The following CELA2A variants were observed in gnomAD, a reference collection of about 807,000 sequenced individuals.
The protein encoded by CELA2A is chymotrypsin-like elastase family member 2A.
A neutral mutation model predicts 35.3 loss-of-function variants in CELA2A; 31 were observed. That is an observed-to-expected ratio of 0.88 (90% CI 0.66 to 1.19). The LOEUF is 1.19. Ranked by LOEUF, CELA2A falls within the 50% of genes most tolerant of loss-of-function variation. CELA2A has a pLI of 0.00. For missense variants in CELA2A, 330 were observed against 352.9 expected, an observed-to-expected ratio of 0.94 and a Z score of 0.52; for synonymous variants, 150 against 149.8, an observed-to-expected ratio of 1.00 and a Z score of -0.01.
intron 7 of CELA2A, among the ~76,000 whole-genome samples, chr1:15,470,309 C>G (rs1439824378): frequency 6.6e-6 from 1 of 152,028 alleles, no homozygotes; most frequent in East Asian, 1.9e-4. Context: ...TGGATAAACC[C>G]AGACAGGTGA....
Position 15,461,592 on chromosome 1 carries a change from G to A in CELA2A, c.161G>A (p.Trp54Ter), listed in dbSNP as rs775776330. The change falls in exon 3 of 8, where the codon TGG becomes TAG. Residue 54 changes from tryptophan to a stop codon, truncating the protein, a stop_gained. Transcript: ENST00000359621. LOFTEE classifies it high-confidence loss of function. ...CTGCAGTACAGCTCCAATGGCAAGTGGTACCACACCTGCGGAGGGTCCCTG... is the reference window on the plus strand; with the variant it reads ...CTGCAGTACAGCTCCAATGGCAAGTAGTACCACACCTGCGGAGGGTCCCTG... The part of the protein sequence containing the change: ...VSLQYSSNGK[W>*]YHTCGGSLIA... 1.3e-5 allele frequency: 21 copies of A among 1,612,346 alleles called. No homozygotes were observed. Among genetic ancestry groups the A allele is most frequent in the African/African-American group, 4.0e-5 (3 of 74,868 alleles).
Position 15,466,992 on chromosome 1 carries a change from G to A in CELA2A, c.640-394G>A, listed in dbSNP as rs192003975. On this transcript the variant is annotated intron_variant, in intron 6 of 7. Coordinates refer to ENST00000359621, the MANE Select transcript of CELA2A (RefSeq NM_033440.3). ...CCACATAGACCACCCGCGGGAAGAC[G>A]GAACCAGTGGGGAAGAGCCTGGCAG... is the stretch of plus-strand genomic sequence containing the variant. Among the ~76,000 whole-genome samples the A allele has an allele frequency of 4.0e-3, 611 of 152,278 alleles. 7 individuals carry two copies. The highest frequency in any genetic ancestry group is 0.013 in the African/African-American group (520 of 41,560).
intron 6 of CELA2A, among the ~76,000 whole-genome samples, chr1:15,466,837 G>A (rs538588008): frequency 2.6e-5 from 4 of 152,290 alleles, no homozygotes; most frequent in Admixed American, 1.3e-4. Flanking sequence ...TAGCTGCCAC[G>A]GAAACCTTCC....
At chr1:15,471,148 A>G (rs1368549255) in intron 7 of CELA2A, among the ~76,000 whole-genome samples, 3 of 152,204 alleles carry the variant, frequency 2.0e-5, no homozygotes, top group Non-Finnish European at 4.4e-5. Flanking sequence ...ACATTGTGCA[A>G]TGAACATCCT....
At chr1:15,471,665 ATT>A (rs1209821795) in intron 7 of CELA2A, among the ~76,000 whole-genome samples, 6 of 152,182 alleles carry the variant, frequency 3.9e-5, no homozygotes, top group African/African-American at 1.2e-4. Flanking sequence ...AGCAGTTTTG[ATT>A]TAAGAAACAA....
chr1:15,462,781 T>C lies in CELA2A; in HGVS notation c.276T>C (p.Val92=). The change falls in exon 4 of 8, where the codon GTT becomes GTC. Residue 92 remains valine (V), a synonymous_variant. Transcript: ENST00000359621. ...RVGLGRHNLY[V]AESGSLAVSV... The stretch of plus-strand genomic sequence containing the variant: ...GGCTGGGCCGGCACAACCTCTACGT[T>C]GCGGAGTCCGGCTCGCTGGCAGTCA... 6.2e-7 allele frequency: 1 copy of C among 1,614,094 alleles called. No individual in the cohort carries two copies. Among genetic ancestry groups the C allele is most frequent in the Non-Finnish European group, 8.5e-7 (1 of 1,180,006 alleles).
In CELA2A at chr1:15,462,722, C is replaced by A; in HGVS notation, c.228-11C>A. The A allele has an allele frequency of 6.2e-7, 1 of 1,613,888 alleles. No homozygotes were observed. Among genetic ancestry groups the A allele is most frequent in the Non-Finnish European group, 8.5e-7 (1 of 1,179,924 alleles). On this transcript the variant is annotated splice_polypyrimidine_tract_variant and intron_variant, in intron 3 of 7. Coordinates refer to ENST00000359621, the MANE Select transcript of CELA2A (RefSeq NM_033440.3). ...GGAGGTGACCCTCTCCCTGGGCCCC[C>A]TTTCTCCCAGCTCCTCCAGGACCTA...
chr1:15,460,564 CAG>C (rs1319563383), intron 2 of CELA2A, among the ~76,000 whole-genome samples: 1 of 151,764 alleles, frequency 6.6e-6, no homozygotes, highest in Admixed American at 6.6e-5. Context: ...AATTGAAAGA[CAG>C]GGGAGGAGGA....
intron 2 of CELA2A, among the ~76,000 whole-genome samples, chr1:15,458,598 A>C (rs1384296668): frequency 6.6e-6 from 1 of 152,110 alleles, no homozygotes; most frequent in African/African-American, 2.4e-5. Context: ...GCGTTCATTC[A>C]TCTGCTCCTT....
chr1:15,464,945 G>A (rs1299083146), intron 5 of CELA2A, among the ~76,000 whole-genome samples: 1 of 147,776 alleles, frequency 6.8e-6, no homozygotes, highest in Non-Finnish European at 1.5e-5. Context: ...ATTGCAAAAT[G>A]TTATGCAAGT....
intron 5 of CELA2A, 93 bp downstream of exon 5, chr1:15,463,615 G>A: frequency 3.2e-6 from 5 of 1,586,134 alleles, no homozygotes; most frequent in Non-Finnish European, 4.3e-6. Flanking sequence ...TGTCATCCCA[G>A]GGTGTGTGGC....
At chr1:15,469,948 T>A (rs1248177381) in intron 7 of CELA2A, among the ~76,000 whole-genome samples, 1 of 151,854 alleles carries the variant, frequency 6.6e-6, no homozygotes, top group Non-Finnish European at 1.5e-5. Context: ...TTGTCCCAAT[T>A]TTTTTTTCCC....
At chr1:15,463,281 G>C in intron 4 of CELA2A, 105 bp from the exon 5 acceptor site, 4 of 1,550,308 alleles carry the variant, frequency 2.6e-6, no homozygotes, top group Non-Finnish European at 2.6e-6. Flanking sequence ...GAGCAACCTG[G>C]GGTAACAGGG....
At chr1:15,465,512 A>G (rs1373345609) in intron 5 of CELA2A, among the ~76,000 whole-genome samples, 2 of 152,116 alleles carry the variant, frequency 1.3e-5, no homozygotes, top group African/African-American at 2.4e-5. Flanking sequence ...CTTATTTCAG[A>G]TAAGTGACAG....
intron 2 of CELA2A, among the ~76,000 whole-genome samples, chr1:15,458,934 A>T (rs1557515511): frequency 3.0e-5 from 3 of 99,416 alleles, no homozygotes; most frequent in African/African-American, 8.5e-5. Flanking sequence ...AAAAAAAAAA[A>T]AAAAAAAAAA....
chr1:15,463,415 AC>A lies in CELA2A; in HGVS notation c.390del (p.Val131SerfsTer66). 1 of 1,613,746 alleles carries A rather than the reference AC, an allele frequency of 6.2e-7. No individual in the cohort carries two copies. Among genetic ancestry groups the A allele is most frequent in the Middle Eastern group, 1.7e-4 (1 of 5,974 alleles). ...GNDIALLKLA[N>X]PVSLTDKIQL... The stretch of plus-strand genomic sequence containing the variant: ...GACATTGCCCTGCTCAAACTGGCTA[AC>A]CCCGTCTCCCTCACCGACAAGATCC... On this transcript the variant is annotated frameshift_variant, in exon 5 of 8. Coordinates refer to ENST00000359621, the MANE Select transcript of CELA2A (RefSeq NM_033440.3). LOFTEE classifies it high-confidence loss of function.
chr1:15,467,360 C>T, intron 6 of CELA2A, 26 bp from the exon 7 acceptor site: 1 of 1,609,984 alleles, frequency 6.2e-7, no homozygotes, highest in Non-Finnish European at 8.5e-7. Context: ...CTCCCTTTAC[C>T]TGCCTATAAC....
At chr1:15,463,889 TA>T (rs555114414) in intron 5 of CELA2A, among the ~76,000 whole-genome samples, 6,346 of 142,128 alleles carry the variant, frequency 0.045, 207 homozygotes, top group African/African-American at 0.095. Context: ...CTAAAAATAT[TA>T]AAAAAAAAAA....
intron 7 of CELA2A, among the ~76,000 whole-genome samples, chr1:15,469,902 C>T (rs911913518): frequency 1.3e-5 from 2 of 152,094 alleles, no homozygotes; most frequent in Non-Finnish European, 2.9e-5. Flanking sequence ...CTGGTCCTGG[C>T]AGCAACCTGG....
Sources: gnomAD v4.1 joint callset for allele counts (sites outside exome capture counted in the v4.1 genomes callset) on GRCh38, gnomAD v4.1.1 for gene constraint, MANE v1.5 for transcripts, NCBI Gene and HGNC (gene_info 2026-07-23, HGNC 2026-07-21) for gene names.